ST6GALNAC3: variants seen among roughly 807,000 people sequenced by gnomAD.
The protein encoded by ST6GALNAC3 is alpha-N-acetylgalactosaminide alpha-2,6-sialyltransferase 3.
ST6GALNAC3 carries 25 observed loss-of-function variants against 32.7 expected under a neutral mutation model. That is an observed-to-expected ratio of 0.76 (90% CI 0.56 to 1.07). The LOEUF (loss-of-function observed/expected upper bound fraction) is 1.07, where lower values mean the gene tolerates loss of function less well. ST6GALNAC3 is among the 50% of genes least tolerant of loss of function. ST6GALNAC3 has a pLI of 0.00. For missense variants in ST6GALNAC3, 355 were observed against 382.4 expected, an observed-to-expected ratio of 0.93 and a Z score of 0.60; for synonymous variants, 129 against 133.1, an observed-to-expected ratio of 0.97 and a Z score of 0.21.
chr1:76,224,105 A>G (rs1655935268), intron 1 of ST6GALNAC3, among the ~76,000 whole-genome samples: 3 of 152,132 alleles, frequency 2.0e-5, no homozygotes, highest in South Asian at 4.1e-4. Flanking sequence ...TGATGCTTCC[A>G]TACTTCTCTG....
At chr1:76,469,956 A>G (rs1474978620) in intron 3 of ST6GALNAC3, among the ~76,000 whole-genome samples, 4 of 152,032 alleles carry the variant, frequency 2.6e-5, no homozygotes, top group Non-Finnish European at 1.5e-5. Flanking sequence ...TTGCAGTGAA[A>G]CTATATTTGT....
intron 3 of ST6GALNAC3, among the ~76,000 whole-genome samples, chr1:76,549,423 AG>A (rs1664491929): frequency 6.6e-6 from 1 of 151,596 alleles, no homozygotes; most frequent in South Asian, 2.1e-4. Flanking sequence ...CAGGTTTTCA[AG>A]CTGTTATATA....
At chr1:76,561,524 G>A (rs1375930059) in intron 3 of ST6GALNAC3, among the ~76,000 whole-genome samples, 2 of 152,076 alleles carry the variant, frequency 1.3e-5, no homozygotes, top group East Asian at 1.9e-4. Flanking sequence ...ATGAAAAGAT[G>A]CTCAACACCA....
intron 1 of ST6GALNAC3, among the ~76,000 whole-genome samples, chr1:76,141,432 C>T (rs1310061191): frequency 1.3e-5 from 2 of 152,134 alleles, no homozygotes; most frequent in Admixed American, 6.5e-5. Flanking sequence ...ACCACACCTC[C>T]TAGGTCCTGC....
chr1:76,202,268 A>G (rs200926662), intron 1 of ST6GALNAC3, among the ~76,000 whole-genome samples: 1,708 of 145,420 alleles, frequency 0.012, 31 homozygotes, highest in East Asian at 0.047. Flanking sequence ...GTGTGCATGC[A>G]TGTGTGTGTG....
chr1:76,398,083 G>C (rs1242940068), intron 2 of ST6GALNAC3, among the ~76,000 whole-genome samples: 5 of 152,132 alleles, frequency 3.3e-5, no homozygotes, highest in African/African-American at 1.2e-4. Flanking sequence ...TCCAGTCCTA[G>C]TAAGAATATG....
chr1:76,478,760 C>CTTTTTTTTTTTTTT (rs397861238), intron 3 of ST6GALNAC3, among the ~76,000 whole-genome samples: 7 of 109,090 alleles, frequency 6.4e-5, no homozygotes, highest in South Asian at 3.1e-4. Context: ...TTTATTAATT[C>CTTTTTTTTTTTTTT]TTTTTTTTTT....
At chr1:76,537,355 G>T (rs1205745518) in intron 3 of ST6GALNAC3, among the ~76,000 whole-genome samples, 1 of 152,134 alleles carries the variant, frequency 6.6e-6, no homozygotes, top group Non-Finnish European at 1.5e-5. Context: ...AGTACTAAAT[G>T]CCCATATCAG....
chr1:76,522,477 T>C (rs1308949491), intron 3 of ST6GALNAC3, among the ~76,000 whole-genome samples: 1 of 152,206 alleles, frequency 6.6e-6, no homozygotes, highest in Non-Finnish European at 1.5e-5. Context: ...TTTCTTTTTC[T>C]TTCTGTGTTT....
At chr1:76,557,445 C>T (rs1664994901) in intron 3 of ST6GALNAC3, among the ~76,000 whole-genome samples, 2 of 152,160 alleles carry the variant, frequency 1.3e-5, no homozygotes, top group South Asian at 4.2e-4. Context: ...CCAGGCAAAA[C>T]TAATGTTCCA....
intron 3 of ST6GALNAC3, among the ~76,000 whole-genome samples, chr1:76,511,644 T>G (rs1008691387): frequency 3.3e-5 from 5 of 152,202 alleles, no homozygotes; most frequent in African/African-American, 1.2e-4. Context: ...AGCCAATGTT[T>G]GTTAAATTCA....
chr1:76,142,133 A>G (rs1367853749), intron 1 of ST6GALNAC3, among the ~76,000 whole-genome samples: 3 of 152,188 alleles, frequency 2.0e-5, no homozygotes, highest in Non-Finnish European at 4.4e-5. Context: ...CTACCCCTAA[A>G]AGCAAAGGTA....
rs35306096 is a variant in ST6GALNAC3, at chr1:76,282,866, T to TAAAAAA, written c.19-30929_19-30924dup. ...CAACATGGTGACATCCCATCTCTAC[T>TAAAAAA]AAAAAAAAAAAAAAATTCAAAAATT... On this transcript the variant is annotated intron_variant, in intron 1 of 4. Transcript: ENST00000328299. 7.7e-4 allele frequency among the ~76,000 whole-genome samples: 108 copies of TAAAAAA among 139,368 alleles called. 1 individual carries two copies. The highest frequency in any genetic ancestry group is 1.1e-3 in the Admixed American group (16 of 14,038). 91.4% of individuals were successfully genotyped at this position (139,368 alleles called of 152,430 possible).
chr1:76,556,030 C>T (rs1276644798), intron 3 of ST6GALNAC3, among the ~76,000 whole-genome samples: 1 of 152,020 alleles, frequency 6.6e-6, no homozygotes, highest in Non-Finnish European at 1.5e-5. Context: ...AGTCTACTCC[C>T]CCGTCCTCCT....
At chr1:76,207,508 T>C (rs1445397875) in intron 1 of ST6GALNAC3, among the ~76,000 whole-genome samples, 2 of 152,230 alleles carry the variant, frequency 1.3e-5, no homozygotes, top group African/African-American at 4.8e-5. Flanking sequence ...CTTGGAGGTC[T>C]AAAAGCATGG....
chr1:76,369,186 TG>T (rs1208335489), intron 2 of ST6GALNAC3, among the ~76,000 whole-genome samples: 1 of 152,094 alleles, frequency 6.6e-6, no homozygotes, highest in Non-Finnish European at 1.5e-5. Flanking sequence ...TCTAAAATGT[TG>T]GGCTCAGTTC....
intron 1 of ST6GALNAC3, among the ~76,000 whole-genome samples, chr1:76,270,567 C>CTTTATTGTT (rs1658786687): frequency 6.8e-6 from 1 of 146,896 alleles, no homozygotes; most frequent in Non-Finnish European, 1.5e-5. Context: ...TGTCATCTCT[C>CTTTATTGTT]TTTATTGTTT....
At chr1:76,327,376 G>C (rs1205556673) in intron 2 of ST6GALNAC3, among the ~76,000 whole-genome samples, 1 of 151,966 alleles carries the variant, frequency 6.6e-6, no homozygotes, top group Non-Finnish European at 1.5e-5. Context: ...TCATGAGATT[G>C]TGGGAGTAAG....
chr1:76,288,725 T>G (rs1376507358), intron 1 of ST6GALNAC3, among the ~76,000 whole-genome samples: 2 of 152,058 alleles, frequency 1.3e-5, no homozygotes, highest in East Asian at 3.9e-4. Context: ...CTTGGATGAA[T>G]AGAGAGAAGA....
Sources: gnomAD v4.1 joint callset for allele counts (sites outside exome capture counted in the v4.1 genomes callset) on GRCh38, gnomAD v4.1.1 for gene constraint, MANE v1.5 for transcripts, NCBI Gene and HGNC (gene_info 2026-07-23, HGNC 2026-07-21) for gene names.